The following WDR91 variants were observed in gnomAD, a reference collection of about 807,000 sequenced individuals.
The protein encoded by WDR91 is WD repeat domain 91, also known as WD repeat-containing protein 91.
WDR91 carries 52 observed loss-of-function variants against 88.4 expected under a neutral mutation model. The ratio of observed to expected loss-of-function variants is 0.59; its 90% CI spans 0.47 to 0.74. WDR91 has a LOEUF of 0.74. Among genes scored for constraint, WDR91 ranks in the 30% least tolerant of loss-of-function variants. The pLI is 0.00. For missense variants in WDR91, 824 were observed against 954.5 expected (o/e 0.86, Z 1.80); for synonymous variants, 362 against 389.5 (o/e 0.93, Z 0.83).
chr7:135,190,105 C>T (rs774077768), intron 11 of WDR91, among the ~76,000 whole-genome samples: 54 of 152,152 alleles, frequency 3.5e-4, no homozygotes, highest in Non-Finnish European at 6.6e-4. Flanking sequence ...AGAACCAGTG[C>T]ACTCCAAAGC....
At chr7:135,188,373 C>G (rs1473285916) in intron 13 of WDR91, 60 bp downstream of exon 13, 1 of 1,478,186 alleles carries the variant, frequency 6.8e-7, no homozygotes, top group Admixed American at 1.7e-5. Context: ...ATGGCCACAA[C>G]CTGCAGCCGG....
intron 7 of WDR91, 32 bp downstream of exon 7, chr7:135,197,961 T>C: frequency 6.3e-7 from 1 of 1,596,360 alleles, no homozygotes. Flanking sequence ...GCTGCATGAG[T>C]GTCCCCAGGG....
In WDR91 at chr7:135,195,854, C is replaced by T. The variant is rs147700218; in HGVS notation, c.1244+290G>A. 2.9e-3 allele frequency among the ~76,000 whole-genome samples: 437 copies of T among 151,682 alleles called. 2 individuals carry two copies. Among genetic ancestry groups the T allele is most frequent in the African/African-American group, 0.01 (414 of 41,324 alleles). On this transcript the variant is annotated intron_variant, in intron 8 of 14. Transcript: ENST00000354475. ...TCCAGCTACTTGGGAGGCTGAGGCA[C>T]GAGAATCGCTTGAGCCTGGGAGGGC...
chr7:135,204,495 A>G, intron 5 of WDR91, 62 bp from the exon 6 acceptor site: 2 of 1,573,842 alleles, frequency 1.3e-6, no homozygotes, highest in Non-Finnish European at 1.7e-6. Context: ...AACCAAGAAC[A>G]TAGACCTCCC....
chr7:135,186,185 A>G lies in WDR91; in HGVS notation c.2210T>C (p.Ile737Thr). The change falls in exon 15 of 15, where the codon ATC (isoleucine) becomes ACC (threonine). Residue 737 changes from isoleucine to threonine, a missense_variant. Ile to Thr is a moderately conservative substitution (Grantham distance 89). Coordinates refer to ENST00000354475, the MANE Select transcript of WDR91 (RefSeq NM_014149.4). ...ATGGGCCAGGAGGGTGGTCAGCTTG[A>G]TCTTGCCATCCATGGAGGCGGTGAG... Reference protein sequence around the residue: ...TCLTASMDGKIKLTTLLAHKA With the variant: ...TCLTASMDGKTKLTTLLAHKA The G allele has an allele frequency of 6.2e-7, 1 of 1,606,620 alleles. No individual in the cohort carries two copies. The highest frequency in any genetic ancestry group is 8.5e-7 in the Non-Finnish European group (1 of 1,177,060).
At chr7:135,205,833 G>A (rs117058343) in intron 5 of WDR91, 95 bp downstream of exon 5, 122,883 of 1,557,628 alleles carry the variant, frequency 0.079, 5,486 homozygotes, top group Middle Eastern at 0.15. Context: ...CCTTCAGCAG[G>A]CACAGAGGAC....
At chr7:135,208,193 C>A (rs1429908749) in intron 3 of WDR91, among the ~76,000 whole-genome samples, 1 of 152,204 alleles carries the variant, frequency 6.6e-6, no homozygotes, top group Non-Finnish European at 1.5e-5. Context: ...GGAGCATGAA[C>A]AATGGCCTTG....
chr7:135,186,301 C>T lies in WDR91; in HGVS notation c.2094G>A (p.Glu698=), dbSNP rs748838217. Residue 698 remains glutamate (E), a synonymous_variant, in exon 15 of 15, where the codon GAG becomes GAA. Coordinates refer to ENST00000354475, the MANE Select transcript of WDR91 (RefSeq NM_014149.4). ...GGVIYKLGGD[E]KVLESCLSLG... is the part of the protein sequence containing the mutation. ...GGCTCAAGCAGCTCTCCAGAACCTT[C>T]TCATCGCCACCCAGCTGCAAGAGGA... is the stretch of plus-strand genomic sequence containing the variant. The T allele has an allele frequency of 1.2e-6, 2 of 1,612,540 alleles. No individual in the cohort carries two copies. The highest frequency in any genetic ancestry group is 1.7e-6 in the Non-Finnish European group (2 of 1,179,368).
intron 6 of WDR91, chr7:135,202,044 A>C (rs763680255): frequency 2.0e-5 from 3 of 152,232 alleles, no homozygotes; most frequent in Non-Finnish European, 4.4e-5. Context: ...AGGAAGAGTC[A>C]TTCTACACAA....
Position 135,201,896 on chromosome 7 carries a change from G to A in WDR91, c.891+2372C>T, listed in dbSNP as rs150044165. ...GTACACTCAAATTTAGGTGTTAATT[G>A]TAATAGCGGGATTGAAACATTAGAA... On this transcript the variant is annotated intron_variant, in intron 6 of 14. Transcript: ENST00000354475. Among the ~76,000 whole-genome samples, 14 of 152,306 alleles carry A rather than the reference G, an allele frequency of 9.2e-5. 1 individual carries two copies. Among genetic ancestry groups the A allele is most frequent in the African/African-American group, 3.1e-4 (13 of 41,570 alleles).
At position 135,211,279 on chromosome 7, in the gene WDR91, G is replaced by C. The variant is rs527371883; in HGVS notation, c.123+101C>G. 11 of 1,458,344 alleles carry C rather than the reference G, an allele frequency of 7.5e-6. No individual in the cohort carries two copies. In the East Asian group the frequency reaches 7.7e-5, roughly 10 times the overall value. The allele number at this position is 1,458,344 out of a possible 1,614,324, so 90.3% of individuals were successfully genotyped here. On this transcript the variant is annotated intron_variant, in intron 1 of 14. Coordinates refer to ENST00000354475, the MANE Select transcript of WDR91 (RefSeq NM_014149.4). ...TGAGGTCTCCGGCGCCCCGGCGCGA[G>C]TGACAGCGCCGCTCTCGCCCCGGAG... is the stretch of plus-strand genomic sequence containing the variant.
chr7:135,192,044 T>C (rs1320461055), intron 11 of WDR91, among the ~76,000 whole-genome samples: 1 of 151,738 alleles, frequency 6.6e-6, no homozygotes, highest in Admixed American at 6.6e-5. Context: ...AGCATTTGCT[T>C]ATGGACTGAC....
At chr7:135,208,414 C>T (rs1831885921) in intron 3 of WDR91, among the ~76,000 whole-genome samples, 1 of 152,156 alleles carries the variant, frequency 6.6e-6, no homozygotes, top group African/African-American at 2.4e-5. Context: ...TACCTAATCC[C>T]AGCAAAGGTA....
rs967132326 is a variant in WDR91, at chr7:135,194,833, G to C, written c.1395+101C>G. 14 of 1,471,630 alleles carry C rather than the reference G, an allele frequency of 9.5e-6. No individual in the cohort carries two copies. In the African/African-American group the frequency reaches 2.0e-4, roughly 21 times the overall value. The allele number at this position is 1,471,630 out of a possible 1,614,324, so 91.2% of individuals were successfully genotyped here. On this transcript the variant is annotated intron_variant, in intron 9 of 14. Transcript: ENST00000354475. Reference sequence around the variant, plus strand: ...TGAATCCCCAATAATGGAGAGAAGGGAGGGGAACTGGCTTGGCTGTCTTGA... The same window carrying C: ...TGAATCCCCAATAATGGAGAGAAGGCAGGGGAACTGGCTTGGCTGTCTTGA...
At chr7:135,198,302 TAGTC>T (rs1450642578) in intron 6 of WDR91, 151 bp from the exon 7 acceptor site, 8 of 858,836 alleles carry the variant, frequency 9.3e-6, no homozygotes, top group Non-Finnish European at 1.4e-5. Context: ...GGTGAGGTCA[TAGTC>T]AGCCCCTGCT....
chr7:135,208,250 A>T (rs1831878135), intron 3 of WDR91, among the ~76,000 whole-genome samples: 1 of 152,138 alleles, frequency 6.6e-6, no homozygotes, highest in Non-Finnish European at 1.5e-5. Context: ...ATTTACCTGC[A>T]TTCTCATTCA....
chr7:135,189,377 T>A lies in WDR91; in HGVS notation c.1735A>T (p.Thr579Ser). 3.1e-6 allele frequency: 5 copies of A among 1,613,986 alleles called. No homozygotes were observed. Among genetic ancestry groups the A allele is most frequent in the Non-Finnish European group, 4.2e-6 (5 of 1,179,878 alleles). ...AFNHNGNLLV[T>S]GAADGVIRLF... ...CGGATGACGCCATCAGCTGCCCCTG[T>A]GACCAGCAGGTTCCCGTTGTGATTG... The change falls in exon 12 of 15, where the codon ACA becomes TCA. Residue 579 changes from threonine to serine, a missense_variant. Physicochemically the swap from Thr to Ser is moderately conservative, Grantham distance 58. Transcript: ENST00000354475.
Position 135,196,123 on chromosome 7 carries a change from T to C in WDR91, c.1244+21A>G, listed in dbSNP as rs762412468. 1 of 1,477,322 alleles carries C rather than the reference T, an allele frequency of 6.8e-7. No homozygotes were observed. The highest frequency in any genetic ancestry group is 9.0e-7 in the Non-Finnish European group (1 of 1,108,620). 91.5% of individuals were successfully genotyped at this position (1,477,322 alleles called of 1,614,324 possible). On this transcript the variant is annotated intron_variant, in intron 8 of 14. Coordinates refer to ENST00000354475, the MANE Select transcript of WDR91 (RefSeq NM_014149.4). The surrounding 1 kb of genome is among the most constrained non-coding windows in gnomAD (Gnocchi z 4.2). ...AAAATCTGAGCTTCCCAGGGTTTCC[T>C]TGGCCCCAGGCCCAACCCACCTGCA...
chr7:135,198,313 T>C (rs1390423488), intron 6 of WDR91, 162 bp from the exon 7 acceptor site: 3 of 716,040 alleles, frequency 4.2e-6, no homozygotes, highest in South Asian at 2.0e-5. Flanking sequence ...AGTCAGCCCC[T>C]GCTATGACCT....
Sources: gnomAD v4.1 joint callset for allele counts (sites outside exome capture counted in the v4.1 genomes callset) on GRCh38, gnomAD v4.1.1 for gene constraint, Gnocchi (gnomAD v3.1) non-coding constraint, MANE v1.5 for transcripts, NCBI Gene and HGNC (gene_info 2026-07-23, HGNC 2026-07-21) for gene names.